Variants in DOP1B observed in about 807,000 individuals in gnomAD.
The protein encoded by DOP1B is protein DOP1B.
Under a neutral mutation model 233.5 loss-of-function variants are expected in DOP1B, and 174 were observed. That is an observed-to-expected ratio of 0.75 (90% CI 0.66 to 0.85). The LOEUF is 0.85. Ranked by LOEUF, DOP1B falls within the 40% of genes least tolerant of loss-of-function variation. The pLI is 0.00. For missense variants in DOP1B, 2,652 were observed against 2,846.6 expected, an observed-to-expected ratio of 0.93 and a Z score of 1.56; for synonymous variants, 1,190 against 1,185.6, an observed-to-expected ratio of 1.00 and a Z score of -0.08.
Position 36,227,863 on chromosome 21 carries a change from A to C in DOP1B, c.1651A>C (p.Thr551Pro), listed in dbSNP as rs1262986361. 1.9e-6 allele frequency: 3 copies of C among 1,599,970 alleles called. No individual in the cohort carries two copies. The highest frequency in any genetic ancestry group is 1.3e-5 in the African/African-American group (1 of 74,648). Residue 551 changes from threonine (T) to proline (P), a missense_variant, in exon 13 of 37, where the codon ACC becomes CCC. Transcript: ENST00000691173. ...TCCTTCCTACCTCGACACGGAGTCC[A>C]CCAGCGGAACCTCGGTGTGTACTCT... ...MPPSYLDTES[T>P]SGTSSPVKGE...
At chr21:36,201,160 A>G (rs997650978) in intron 4 of DOP1B, among the ~76,000 whole-genome samples, 5 of 152,174 alleles carry the variant, frequency 3.3e-5, no homozygotes, top group East Asian at 3.9e-4. Context: ...TGTGGAGGAA[A>G]TGAAGGGACC....
intron 27 of DOP1B, among the ~76,000 whole-genome samples, chr21:36,272,371 C>T (rs974878486): frequency 7.3e-5 from 11 of 151,716 alleles, no homozygotes; most frequent in South Asian, 2.1e-4. Context: ...TAAATCAGGC[C>T]GGGCACAGTG....
At chr21:36,237,587 C>T (rs1367128171) in intron 16 of DOP1B, among the ~76,000 whole-genome samples, 173 bp downstream of exon 16, 3 of 152,214 alleles carry the variant, frequency 2.0e-5, no homozygotes, top group Admixed American at 6.5e-5. Flanking sequence ...CCACTAGAAG[C>T]ATGAGCCATT....
intron 22 of DOP1B, among the ~76,000 whole-genome samples, chr21:36,253,235 G>A (rs1002383911): frequency 6.6e-6 from 1 of 152,102 alleles, no homozygotes; most frequent in African/African-American, 2.4e-5. Flanking sequence ...TCGTATTTTT[G>A]ATTCCATCTC....
chr21:36,159,948 C>T (rs778552771), intron 1 of DOP1B, among the ~76,000 whole-genome samples: 2 of 152,194 alleles, frequency 1.3e-5, no homozygotes, highest in Non-Finnish European at 2.9e-5. Context: ...CCACATTAAA[C>T]TGAAATTATG....
chr21:36,201,495 G>A (rs2006109), intron 4 of DOP1B, among the ~76,000 whole-genome samples: 1 of 151,554 alleles, frequency 6.6e-6, no homozygotes, highest in Non-Finnish European at 1.5e-5. Context: ...TTACAGGCTC[G>A]TGCCACCACA....
intron 2 of DOP1B, among the ~76,000 whole-genome samples, chr21:36,190,801 A>G (rs2066225076): frequency 6.6e-6 from 1 of 152,218 alleles, no homozygotes; most frequent in Admixed American, 6.5e-5. Flanking sequence ...GGGTTTCTGG[A>G]TAGTGAAACT....
rs1308162069 is a variant in DOP1B at position 36,245,499 on chromosome 21, G to A, written c.3519G>A (p.Gly1173=). 2 of 1,613,710 alleles carry A rather than the reference G, an allele frequency of 1.2e-6. No homozygotes were observed. The highest frequency in any genetic ancestry group is 1.7e-6 in the Non-Finnish European group (2 of 1,180,042). The change falls in exon 19 of 37, where the codon GGG becomes GGA. Residue 1173 remains glycine (G), a synonymous_variant. Coordinates refer to ENST00000691173, the MANE Select transcript of DOP1B (RefSeq NM_001320714.2). This position sits in a 1 kb window ranked among gnomAD's most constrained non-coding sequence, Gnocchi z 5.5. ...AAFQSESFKA[G]AKLSLVRVDS... Reference sequence around the variant, plus strand: ...TCCAGTCAGAAAGCTTCAAGGCTGGGGCCAAGTTAAGCCTGGTGCGGGTGG... The same window carrying A: ...TCCAGTCAGAAAGCTTCAAGGCTGGAGCCAAGTTAAGCCTGGTGCGGGTGG...
chr21:36,259,569 G>A (rs566337164), intron 23 of DOP1B, among the ~76,000 whole-genome samples: 107 of 152,234 alleles, frequency 7.0e-4, no homozygotes, highest in African/African-American at 2.5e-3. Flanking sequence ...CACCGTGCCT[G>A]GCCTCCTTTC....
At chr21:36,220,798 C>G (rs980522430) in intron 10 of DOP1B, among the ~76,000 whole-genome samples, 1 of 151,852 alleles carries the variant, frequency 6.6e-6, no homozygotes, top group Non-Finnish European at 1.5e-5. Context: ...AGCCGCCATG[C>G]CTGGTACTCT....
chr21:36,169,370 T>G, intron 2 of DOP1B: 1 of 817,568 alleles, frequency 1.2e-6, no homozygotes, highest in South Asian at 1.3e-5. Context: ...GTCGCCTTTC[T>G]GCCCAGCACA....
intron 32 of DOP1B, among the ~76,000 whole-genome samples, chr21:36,286,660 A>G (rs925506229): frequency 6.6e-6 from 1 of 150,402 alleles, no homozygotes; most frequent in Admixed American, 6.7e-5. Context: ...ACACACACAC[A>G]CACACACACA....
chr21:36,190,168 A>T (rs564552682), intron 2 of DOP1B, among the ~76,000 whole-genome samples: 34 of 151,558 alleles, frequency 2.2e-4, no homozygotes, highest in African/African-American at 7.7e-4. Context: ...AAATACAAAA[A>T]ATAAAAATTA....
At chr21:36,183,854 T>C (rs2066130856) in intron 2 of DOP1B, among the ~76,000 whole-genome samples, 1 of 150,690 alleles carries the variant, frequency 6.6e-6, no homozygotes. Context: ...ACATTTCCTG[T>C]GTACATGGTT....
intron 26 of DOP1B, 42 bp from the exon 27 acceptor site, chr21:36,269,971 C>T (rs199968408): frequency 6.2e-7 from 1 of 1,607,684 alleles, no homozygotes; most frequent in Non-Finnish European, 8.5e-7. Context: ...ACATTCTTTT[C>T]CTTAATTAAC....
intron 2 of DOP1B, chr21:36,170,189 CA>C: frequency 2.2e-6 from 1 of 451,014 alleles, no homozygotes; most frequent in East Asian, 4.9e-5. Context: ...ATCACACAAT[CA>C]AATTCCACCG....
At chr21:36,277,483 G>T (rs9983493) in intron 28 of DOP1B, among the ~76,000 whole-genome samples, 6 of 151,636 alleles carry the variant, frequency 4.0e-5, no homozygotes, top group African/African-American at 1.5e-4. Context: ...GGGTTTCACT[G>T]TGTTGGCCAG....
chr21:36,258,207 T>A (rs556001200), intron 23 of DOP1B, among the ~76,000 whole-genome samples: 4 of 152,050 alleles, frequency 2.6e-5, no homozygotes, highest in African/African-American at 9.6e-5. Flanking sequence ...CCCAGAAGTT[T>A]AAGACCAGCC....
At chr21:36,260,442 A>G (rs565075287) in intron 23 of DOP1B, among the ~76,000 whole-genome samples, 1 of 152,286 alleles carries the variant, frequency 6.6e-6, no homozygotes, top group South Asian at 2.1e-4. Context: ...GTAGGTGCAC[A>G]GGGTGGGAGA....
Sources: gnomAD v4.1 joint callset for allele counts (sites outside exome capture counted in the v4.1 genomes callset) on GRCh38, gnomAD v4.1.1 for gene constraint, Gnocchi (gnomAD v3.1) non-coding constraint, MANE v1.5 for transcripts, NCBI Gene and HGNC (gene_info 2026-07-23, HGNC 2026-07-21) for gene names.